The following ZSWIM4 variants were observed in gnomAD, a reference collection of about 807,000 sequenced individuals.
ZSWIM4 encodes zinc finger SWIM-type containing 4.
Under a neutral mutation model 102.5 loss-of-function variants are expected in ZSWIM4, and 62 were observed. The ratio of observed to expected loss-of-function variants is 0.60; its 90% CI spans 0.49 to 0.75. ZSWIM4 has a LOEUF of 0.75. ZSWIM4 is among the 30% of genes least tolerant of loss of function. The probability of loss-of-function intolerance (pLI) is 0.00; values close to 1 mark genes in which losing one functional copy is unlikely to be tolerated. For synonymous variants in ZSWIM4, 652 were observed against 674.5 expected (o/e 0.97, Z 0.52); for missense variants, 1,280 against 1,529.6 (o/e 0.84, Z 2.72).
Position 13,831,163 on chromosome 19 carries a change from C to T in ZSWIM4, c.*113C>T, listed in dbSNP as rs762038108. 5.0e-5 allele frequency: 70 copies of T among 1,395,942 alleles called. No homozygotes were observed. Among genetic ancestry groups the T allele is most frequent in the Admixed American group, 7.6e-5 (3 of 39,542 alleles). 86.5% of individuals were successfully genotyped at this position (1,395,942 alleles called of 1,614,324 possible). A position where few individuals can be genotyped will look rare whatever the true frequency, so the allele number is the denominator to read the frequency against. Reference sequence around the variant, plus strand: ...GTATTATTAAGTCAGGGAAGGAGCCCGGCTGGAGATGGGGGCAGGGGGAGC... The same window carrying T: ...GTATTATTAAGTCAGGGAAGGAGCCTGGCTGGAGATGGGGGCAGGGGGAGC... On this transcript the variant is annotated 3_prime_UTR_variant, in exon 14 of 14. Transcript: ENST00000590508.
At position 13,814,637 on chromosome 19, in the gene ZSWIM4, T is replaced by A. The variant is rs1319312223; in HGVS notation, c.1303T>A (p.Ser435Thr). Reference protein sequence around the residue: ...AYLQRILASDSYGPSLTGSVG... With the variant: ...AYLQRILASDTYGPSLTGSVG... ...CCTGCAGAGGATCCTGGCCAGTGACTCCTACGGGCCCAGCCTCACAGGCAG... is the reference window on the plus strand; with the variant it reads ...CCTGCAGAGGATCCTGGCCAGTGACACCTACGGGCCCAGCCTCACAGGCAG... Residue 435 changes from serine (S) to threonine (T), a missense_variant, in exon 7 of 14, where the codon TCC becomes ACC. Transcript: ENST00000590508. 4.0e-6 allele frequency: 5 copies of A among 1,260,152 alleles called. No homozygotes were observed. The highest frequency in any genetic ancestry group is 5.2e-6 in the Non-Finnish European group (5 of 968,476). The allele number at this position is 1,260,152 out of a possible 1,614,324, so 78.1% of individuals were successfully genotyped here.
rs777717098 is a variant in ZSWIM4 at position 13,830,186 on chromosome 19, A to T, written c.2462-5A>T. On this transcript the variant is annotated splice_polypyrimidine_tract_variant and splice_region_variant and intron_variant, in intron 13 of 13. Transcript: ENST00000590508. ...GACGGATTTCCCTCCCTCACCTCCC[A>T]CCAGGCCCGCAAGCCCTGATGAATA... 1.2e-6 allele frequency: 2 copies of T among 1,605,098 alleles called. No individual in the cohort carries two copies. Among genetic ancestry groups the T allele is most frequent in the East Asian group, 4.5e-5 (2 of 44,678 alleles).
chr19:13,825,452 C>A lies in ZSWIM4; in HGVS notation c.2216-98C>A. The A allele has an allele frequency of 7.1e-7, 1 of 1,411,612 alleles. No homozygotes were observed. Among genetic ancestry groups the A allele is most frequent in the Non-Finnish European group, 9.8e-7 (1 of 1,019,074 alleles). 87.4% of individuals were successfully genotyped at this position (1,411,612 alleles called of 1,614,324 possible). On this transcript the variant is annotated intron_variant, in intron 11 of 13. Coordinates refer to ENST00000590508, the MANE Select transcript of ZSWIM4 (RefSeq NM_001367834.3). The surrounding 1 kb of genome is among the most constrained non-coding windows in gnomAD (Gnocchi z 4.6). ...ACATCCCTCCACACTCACACATGTG[C>A]CCCTGGGTGGAAGGATCTGTGTGAA...
At chr19:13,826,079 A>G (rs900680900) in intron 12 of ZSWIM4, among the ~76,000 whole-genome samples, 4 of 152,104 alleles carry the variant, frequency 2.6e-5, no homozygotes, top group African/African-American at 9.7e-5. Flanking sequence ...GGGCGGGGCC[A>G]CAGAAGGCCA....
At chr19:13,807,905 T>G (rs1974962763) in intron 3 of ZSWIM4, among the ~76,000 whole-genome samples, 1 of 152,122 alleles carries the variant, frequency 6.6e-6, no homozygotes, top group African/African-American at 2.4e-5. Context: ...TGAAACAGGT[T>G]AATTTAAAGG....
intron 8 of ZSWIM4, 128 bp downstream of exon 8, chr19:13,817,481 C>G: frequency 1.5e-6 from 2 of 1,291,364 alleles, no homozygotes; most frequent in Non-Finnish European, 2.1e-6. Context: ...CCCTTGGCTA[C>G]CTCCTCTGGC....
In ZSWIM4 at chr19:13,814,669, T is replaced by C. The variant is rs946798107; in HGVS notation, c.1335T>C (p.Gly445=). ...GGCCCAGCCTCACAGGCAGCGTGGG[T>C]GGGGACAAACCGACTTTCGACCCCC... The part of the protein sequence containing the change: ...SYGPSLTGSV[G]GDKPTFDPQG... Residue 445 remains glycine (G), a synonymous_variant, in exon 7 of 14, where the codon GGT becomes GGC. Coordinates refer to ENST00000590508, the MANE Select transcript of ZSWIM4 (RefSeq NM_001367834.3). 4.7e-6 allele frequency: 6 copies of C among 1,279,634 alleles called. No homozygotes were observed. In the African/African-American group the frequency reaches 9.1e-5, roughly 20 times the overall value. 79.3% of individuals were successfully genotyped at this position (1,279,634 alleles called of 1,614,324 possible). A position where few individuals can be genotyped will look rare whatever the true frequency, so the allele number is the denominator to read the frequency against.
intron 9 of ZSWIM4, among the ~76,000 whole-genome samples, chr19:13,818,374 C>T (rs536248771): frequency 6.6e-6 from 1 of 152,272 alleles, no homozygotes; most frequent in African/African-American, 2.4e-5. Flanking sequence ...GACTCCGTCC[C>T]CTAGCGCTAC....
At chr19:13,817,474 T>A in intron 8 of ZSWIM4, 121 bp downstream of exon 8, 1 of 1,353,392 alleles carries the variant, frequency 7.4e-7, no homozygotes, top group African/African-American at 1.5e-5. Context: ...GCCCCTACCC[T>A]TGGCTACCTC....
rs1379957824 is a variant in ZSWIM4 at position 13,832,228 on chromosome 19, C to T, written c.*1178C>T. On this transcript the variant is annotated 3_prime_UTR_variant, in exon 14 of 14. Coordinates refer to ENST00000590508, the MANE Select transcript of ZSWIM4 (RefSeq NM_001367834.3). The stretch of plus-strand genomic sequence containing the variant: ...CTCACACCCTCAACCTCGTTTCCTC[C>T]GCAAAAAAAAAAAAAAAAAAAAAAA... 8 of 91,308 alleles carry T rather than the reference C, an allele frequency of 8.8e-5. No homozygotes were observed. Among genetic ancestry groups the T allele is most frequent in the African/African-American group, 3.0e-4 (5 of 16,492 alleles). The allele number at this position is 91,308 out of a possible 1,614,324, so 5.7% of individuals were successfully genotyped here. A position where few individuals can be genotyped will look rare whatever the true frequency, so the allele number is the denominator to read the frequency against.
At position 13,795,814 on chromosome 19, in the gene ZSWIM4, G is replaced by T. The variant is rs779175525; in HGVS notation, c.153+13G>T. On this transcript the variant is annotated intron_variant, in intron 1 of 13. Transcript: ENST00000590508. Reference sequence around the variant, plus strand: ...GGCCTTCGAGCAGGTGACCGCGGGGGAAGGGGGCGGGGGCAGGGACGCACC... The same window carrying T: ...GGCCTTCGAGCAGGTGACCGCGGGGTAAGGGGGCGGGGGCAGGGACGCACC... 1 of 1,243,528 alleles carries T rather than the reference G, an allele frequency of 8.0e-7. No individual in the cohort carries two copies. Among genetic ancestry groups the T allele is most frequent in the Non-Finnish European group, 1.0e-6 (1 of 991,906 alleles). The allele number at this position is 1,243,528 out of a possible 1,614,324, so 77.0% of individuals were successfully genotyped here.
rs1250091408 is a variant in ZSWIM4 at position 13,825,979 on chromosome 19, G to A, written c.2379+266G>A. Among the ~76,000 whole-genome samples the A allele has an allele frequency of 1.3e-5, 2 of 151,884 alleles. No homozygotes were observed. Among genetic ancestry groups the A allele is most frequent in the Non-Finnish European group, 2.9e-5 (2 of 67,936 alleles). ...ATGAGTGAGCCACTCCCCTGGGAATGGGGACTGGATGAATCGTGTCTCTGG... is the reference window on the plus strand; with the variant it reads ...ATGAGTGAGCCACTCCCCTGGGAATAGGGACTGGATGAATCGTGTCTCTGG... On this transcript the variant is annotated intron_variant, in intron 12 of 13. Coordinates refer to ENST00000590508, the MANE Select transcript of ZSWIM4 (RefSeq NM_001367834.3). The surrounding 1 kb of genome is among the most constrained non-coding windows in gnomAD (Gnocchi z 4.6).
At position 13,808,820 on chromosome 19, in the gene ZSWIM4, C is replaced by T; in HGVS notation, c.713-16C>T. On this transcript the variant is annotated splice_polypyrimidine_tract_variant and intron_variant, in intron 3 of 13. Coordinates refer to ENST00000590508, the MANE Select transcript of ZSWIM4 (RefSeq NM_001367834.3). ...TCCAGCCCCAGCCTCAGCTTCCTTT[C>T]CCTCCCTCCCGGCAGGTGCCCCAGA... The T allele has an allele frequency of 6.3e-7, 1 of 1,586,384 alleles. No individual in the cohort carries two copies. Among genetic ancestry groups the T allele is most frequent in the Non-Finnish European group, 8.6e-7 (1 of 1,164,548 alleles).
chr19:13,819,556 G>A (rs1405247655), intron 10 of ZSWIM4, 64 bp downstream of exon 10: 11 of 1,524,544 alleles, frequency 7.2e-6, no homozygotes, highest in African/African-American at 1.4e-5. Flanking sequence ...GGCATGGGGG[G>A]TAGCTCAGAG....
rs375958042 is a variant in ZSWIM4, at chr19:13,823,097, G to A, written c.2061-249G>A. ...GCCGAGAAGTTTGAGGCTTCAGTGAGCTATGATTGTCCCACAGGACTCCAG... is the reference window on the plus strand; with the variant it reads ...GCCGAGAAGTTTGAGGCTTCAGTGAACTATGATTGTCCCACAGGACTCCAG... On this transcript the variant is annotated intron_variant, in intron 10 of 13. Coordinates refer to ENST00000590508, the MANE Select transcript of ZSWIM4 (RefSeq NM_001367834.3). Among the ~76,000 whole-genome samples, 30 of 152,330 alleles carry A rather than the reference G, an allele frequency of 2.0e-4. 1 individual carries two copies. Among genetic ancestry groups the A allele is most frequent in the African/African-American group, 6.7e-4 (28 of 41,578 alleles).
intron 3 of ZSWIM4, among the ~76,000 whole-genome samples, chr19:13,805,405 G>C (rs1040928485): frequency 2.6e-5 from 4 of 151,868 alleles, no homozygotes; most frequent in Non-Finnish European, 4.4e-5. Flanking sequence ...TCCTGCGTTA[G>C]AGGGCAAGTG....
At position 13,809,323 on chromosome 19, in the gene ZSWIM4, T is replaced by G; in HGVS notation, c.1012+103T>G. On this transcript the variant is annotated intron_variant, in intron 5 of 13. Transcript: ENST00000590508. The surrounding 1 kb of genome is among the most constrained non-coding windows in gnomAD (Gnocchi z 4.2). ...TCTGTTCCCTGAATCCGCCCTCCATTCGTTTGGCAAACATTTATGAGCGCC... is the reference window on the plus strand; with the variant it reads ...TCTGTTCCCTGAATCCGCCCTCCATGCGTTTGGCAAACATTTATGAGCGCC... 1 of 1,439,256 alleles carries G rather than the reference T, an allele frequency of 6.9e-7. No individual in the cohort carries two copies. Among genetic ancestry groups the G allele is most frequent in the African/African-American group, 1.4e-5 (1 of 70,148 alleles). The allele number at this position is 1,439,256 out of a possible 1,614,324, so 89.2% of individuals were successfully genotyped here.
intron 7 of ZSWIM4, among the ~76,000 whole-genome samples, chr19:13,816,036 G>A (rs1408886644): frequency 6.7e-6 from 1 of 150,040 alleles, no homozygotes; most frequent in African/African-American, 2.5e-5. Context: ...GAGAGAGATG[G>A]GGGGAGAGAG....
intron 1 of ZSWIM4, chr19:13,796,459 C>G (rs1401158676): frequency 6.6e-6 from 1 of 152,514 alleles, no homozygotes; most frequent in East Asian, 1.9e-4. Context: ...CATTCCTGCC[C>G]TCGAGCCTCC....
Sources: allele counts gnomAD v4.1 joint callset (sites outside exome capture counted in the v4.1 genomes callset), GRCh38; gene constraint gnomAD v4.1.1; non-coding constraint Gnocchi (gnomAD v3.1); transcripts MANE v1.5; gene names NCBI Gene and HGNC (gene_info 2026-07-23, HGNC 2026-07-21).